The following AGBL4 variants were observed in gnomAD, a reference collection of about 807,000 sequenced individuals.
AGBL4 encodes AGBL carboxypeptidase 4.
A neutral mutation model predicts 66.4 loss-of-function variants in AGBL4; 58 were observed. The ratio of observed to expected loss-of-function variants is 0.87; its 90% CI spans 0.71 to 1.09. The LOEUF (loss-of-function observed/expected upper bound fraction) is 1.09, where lower values mean the gene tolerates loss of function less well. Ranked by LOEUF, AGBL4 falls within the 50% of genes least tolerant of loss-of-function variation. The pLI is 0.00. For missense variants in AGBL4, 579 were observed against 631.0 expected (o/e 0.92, Z 0.88); for synonymous variants, 234 against 222.9 (o/e 1.05, Z -0.44).
intron 6 of AGBL4, among the ~76,000 whole-genome samples, chr1:48,741,016 T>C (rs1649833506): frequency 3.3e-5 from 5 of 152,216 alleles, no homozygotes; most frequent in Admixed American, 3.3e-4. Flanking sequence ...AAATATTAAA[T>C]GAGATTTGAG....
chr1:49,484,890 C>A (rs77959243), intron 3 of AGBL4, among the ~76,000 whole-genome samples: 7,522 of 151,810 alleles, frequency 0.05, 234 homozygotes, highest in African/African-American at 0.07. Flanking sequence ...TATGTACCCA[C>A]AAAAGTTAAA....
At chr1:49,711,096 C>T (rs908920477) in intron 2 of AGBL4, among the ~76,000 whole-genome samples, 5 of 152,020 alleles carry the variant, frequency 3.3e-5, no homozygotes, top group Non-Finnish European at 7.4e-5. Context: ...TTTGGCCCCA[C>T]CAAGCGATAA....
chr1:49,116,482 G>A (rs1470962582), intron 4 of AGBL4, among the ~76,000 whole-genome samples: 1 of 152,048 alleles, frequency 6.6e-6, no homozygotes, highest in East Asian at 1.9e-4. Flanking sequence ...TTGATTTTTT[G>A]TCCTTGTGAT....
chr1:48,690,641 G>T (rs1646614315), intron 6 of AGBL4, among the ~76,000 whole-genome samples: 1 of 151,712 alleles, frequency 6.6e-6, no homozygotes, highest in East Asian at 1.9e-4. Context: ...TTCTACTTAC[G>T]TCCTATTTTT....
chr1:49,506,485 T>C (rs951567028), intron 3 of AGBL4, among the ~76,000 whole-genome samples: 5 of 152,098 alleles, frequency 3.3e-5, no homozygotes, highest in African/African-American at 7.2e-5. Flanking sequence ...GTTCTCATGA[T>C]AGTGAATCAG....
chr1:48,829,073 G>T (rs1454481573), intron 6 of AGBL4, among the ~76,000 whole-genome samples: 1 of 152,154 alleles, frequency 6.6e-6, no homozygotes, highest in Non-Finnish European at 1.5e-5. Context: ...GATGAACCCA[G>T]TGACAGCTTA....
intron 3 of AGBL4, among the ~76,000 whole-genome samples, chr1:49,524,044 A>T (rs1005516046): frequency 3.3e-5 from 5 of 152,016 alleles, no homozygotes; most frequent in Admixed American, 1.3e-4. Flanking sequence ...CACTTTGTAC[A>T]CATTGTGTCA....
At chr1:49,738,113 C>A (rs932603695) in intron 2 of AGBL4, among the ~76,000 whole-genome samples, 1 of 152,222 alleles carries the variant, frequency 6.6e-6, no homozygotes, top group Non-Finnish European at 1.5e-5. Context: ...CGAGGAATCC[C>A]CTCACCCGGG....
intron 3 of AGBL4, among the ~76,000 whole-genome samples, chr1:49,380,673 C>T (rs1484677530): frequency 6.6e-6 from 1 of 152,050 alleles, no homozygotes; most frequent in Non-Finnish European, 1.5e-5. Context: ...CAGAACAGAG[C>T]CCTCAGAAAT....
intron 8 of AGBL4, among the ~76,000 whole-genome samples, chr1:48,635,342 C>T (rs968551190): frequency 6.6e-6 from 1 of 152,206 alleles, no homozygotes; most frequent in Non-Finnish European, 1.5e-5. Flanking sequence ...TTCCTCAATG[C>T]CCCTGGAGGG....
chr1:49,562,120 G>C (rs1042967155), intron 3 of AGBL4, among the ~76,000 whole-genome samples: 5 of 152,040 alleles, frequency 3.3e-5, no homozygotes, highest in Non-Finnish European at 5.9e-5. Flanking sequence ...TGAGAAGTGT[G>C]GGTTCATATC....
intron 10 of AGBL4, among the ~76,000 whole-genome samples, chr1:48,588,666 T>C (rs1644862189): frequency 6.6e-6 from 1 of 151,394 alleles, no homozygotes; most frequent in Admixed American, 6.6e-5. Context: ...AGTGTGTGTG[T>C]GTGTGTGTGT....
intron 5 of AGBL4, among the ~76,000 whole-genome samples, chr1:49,000,821 C>A (rs1333968621): frequency 4.6e-5 from 7 of 152,090 alleles, no homozygotes; most frequent in African/African-American, 1.7e-4. Flanking sequence ...CTATTTCTGG[C>A]CGGATGTAAA....
intron 4 of AGBL4, among the ~76,000 whole-genome samples, chr1:49,204,985 A>T (rs1648018247): frequency 6.6e-6 from 1 of 152,062 alleles, no homozygotes; most frequent in African/African-American, 2.4e-5. Context: ...GCTTTATCAC[A>T]TGATTGTTTC....
At chr1:49,936,051 G>T (rs1334388836) in intron 1 of AGBL4, among the ~76,000 whole-genome samples, 1 of 152,152 alleles carries the variant, frequency 6.6e-6, no homozygotes, top group East Asian at 1.9e-4. Context: ...GCTACAGGAG[G>T]AAATTCAAAC....
At chr1:49,748,343 AT>A in intron 2 of AGBL4, among the ~76,000 whole-genome samples, 1 of 152,108 alleles carries the variant, frequency 6.6e-6, no homozygotes, top group African/African-American at 2.4e-5. Flanking sequence ...ACATGAACTC[AT>A]TCTTTTTTAT....
intron 1 of AGBL4, among the ~76,000 whole-genome samples, chr1:49,957,621 C>T (rs1247716932): frequency 2.0e-5 from 3 of 152,006 alleles, no homozygotes; most frequent in Non-Finnish European, 4.4e-5. Context: ...TAATGGCCTT[C>T]TTTGTCTCTT....
At chr1:49,478,570 C>T (rs1392133678) in intron 3 of AGBL4, among the ~76,000 whole-genome samples, 1 of 151,788 alleles carries the variant, frequency 6.6e-6, no homozygotes, top group African/African-American at 2.4e-5. Flanking sequence ...AACACTAGAC[C>T]TGCCATATAA....
chr1:49,928,657 T>C (rs1653033325), intron 1 of AGBL4, among the ~76,000 whole-genome samples: 1 of 152,172 alleles, frequency 6.6e-6, no homozygotes, highest in African/African-American at 2.4e-5. Flanking sequence ...TAAACCCGTA[T>C]ATCCAAGAAA....
Sources: allele counts gnomAD v4.1 joint callset (sites outside exome capture counted in the v4.1 genomes callset), GRCh38; gene constraint gnomAD v4.1.1; transcripts MANE v1.5; gene names NCBI Gene and HGNC (gene_info 2026-07-23, HGNC 2026-07-21).